Variants in IFT70B observed in about 807,000 individuals in gnomAD.
IFT70B encodes intraflagellar transport 70B, also known as intraflagellar transport protein 70B.
At chr2:177,551,403 C>T in the IFT70B span, 1 of 1,614,302 alleles carries the variant, frequency 6.2e-7, no homozygotes, top group East Asian at 2.2e-5. Flanking sequence ...ATGGTCGTTA[C>T]AGAATTCCAC....
the IFT70B span, chr2:177,550,193 C>A: frequency 6.6e-6 from 1 of 152,154 alleles, no homozygotes; most frequent in Non-Finnish European, 1.5e-5. Context: ...CATTATAGCA[C>A]CATAATTTTG....
chr2:177,552,333 C>G, the IFT70B span: 14 of 1,614,104 alleles, frequency 8.7e-6, no homozygotes, highest in South Asian at 8.8e-5. Flanking sequence ...TTCCTCTCCC[C>G]CTTCCCTACT....
chr2:177,549,385 A>G, the IFT70B span: 1 of 152,230 alleles, frequency 6.6e-6, no homozygotes, highest in Non-Finnish European at 1.5e-5. Flanking sequence ...TATGCTGAGC[A>G]TGTTTCTTAT....
the IFT70B span, chr2:177,551,993 C>T: frequency 6.2e-7 from 1 of 1,614,196 alleles, no homozygotes; most frequent in Non-Finnish European, 8.5e-7. Context: ...CTATAGCTGC[C>T]TTAAGGTTGA....
chr2:177,550,860 T>C, the IFT70B span: 10 of 1,614,152 alleles, frequency 6.2e-6, no homozygotes, highest in Admixed American at 1.7e-5. Context: ...TCTTTCTTCT[T>C]CCAGGGGTTG....
the IFT70B span, chr2:177,549,470 A>T: frequency 2.0e-5 from 3 of 152,232 alleles, no homozygotes; most frequent in Non-Finnish European, 2.9e-5. Context: ...GTTCCCTATC[A>T]TTCAGAAGAA....
chr2:177,552,414 C>T, the IFT70B span: 1,380,561 of 1,613,494 alleles, frequency 0.86, 591,479 homozygotes, highest in East Asian at 0.98. Flanking sequence ...AGCTTGCAGG[C>T]GGAGGACCCG....
At chr2:177,550,568 A>AT in the IFT70B span, 1 of 470,902 alleles carries the variant, frequency 2.1e-6, no homozygotes, top group Non-Finnish European at 3.6e-6. Flanking sequence ...GGAATTTTTC[A>AT]TAACTCCTGG....
chr2:177,550,409 AC>A, the IFT70B span: 1 of 167,494 alleles, frequency 6.0e-6, no homozygotes, highest in Non-Finnish European at 1.3e-5. Context: ...TTTAAAGACT[AC>A]TCTTAACTAT....
chr2:177,551,712 T>C, the IFT70B span: 13 of 1,614,098 alleles, frequency 8.1e-6, no homozygotes, highest in South Asian at 6.6e-5. Context: ...GAGGAACTTA[T>C]AAATCAAATG....
the IFT70B span, chr2:177,551,165 A>G: frequency 1.9e-6 from 3 of 1,613,958 alleles, no homozygotes; most frequent in Admixed American, 1.7e-5. Flanking sequence ...CTGGGTCATC[A>G]TAAGAGAGCT....
chr2:177,550,648 T>A, the IFT70B span: 14 of 841,304 alleles, frequency 1.7e-5, no homozygotes, highest in South Asian at 4.1e-4. Context: ...CTTTTTTTTT[T>A]ATAATGCATA....
chr2:177,551,087 A>G, the IFT70B span: 308 of 1,614,006 alleles, frequency 1.9e-4, 5 homozygotes, highest in Middle Eastern at 2.8e-3. Flanking sequence ...CAAAGTCATA[A>G]TTTCCTTTGG....
chr2:177,552,212 C>G, the IFT70B span: 3 of 1,614,216 alleles, frequency 1.9e-6, no homozygotes, highest in East Asian at 2.2e-5. Context: ...GCTGGTAGCC[C>G]GAGGCCTGCA....
the IFT70B span, chr2:177,552,723 A>T: frequency 3.1e-6 from 5 of 1,590,708 alleles, no homozygotes; most frequent in Non-Finnish European, 4.3e-6. Context: ...GACCGCGGTG[A>T]ACTCCCCGTC....
At chr2:177,552,168 T>C in the IFT70B span, 3 of 1,614,194 alleles carry the variant, frequency 1.9e-6, no homozygotes, top group East Asian at 4.5e-5. Context: ...TCGGCTGCTG[T>C]AATAGGCCAA....
the IFT70B span, chr2:177,551,705 G>A: frequency 3.7e-6 from 6 of 1,614,178 alleles, no homozygotes; most frequent in East Asian, 1.1e-4. Context: ...AGGGTGTGAG[G>A]AACTTATAAA....
the IFT70B span, chr2:177,552,324 T>G: frequency 6.2e-7 from 1 of 1,614,016 alleles, no homozygotes; most frequent in Admixed American, 1.7e-5. Flanking sequence ...GCCCCCACTT[T>G]CCTCTCCCCC....
chr2:177,552,734 G>A, the IFT70B span: 2 of 1,582,308 alleles, frequency 1.3e-6, no homozygotes, highest in East Asian at 2.3e-5. Context: ...ACTCCCCGTC[G>A]GGGATCTGCG....
Sources: gnomAD v4.1 joint callset for allele counts on GRCh38, gnomAD v4.1.1 for gene constraint, MANE v1.5 for transcripts, NCBI Gene and HGNC (gene_info 2026-07-23, HGNC 2026-07-21) for gene names.